Variants in DPYSL5 observed in about 807,000 individuals in gnomAD.
The protein encoded by DPYSL5 is dihydropyrimidinase like 5, also known as dihydropyrimidinase-related protein 5.
In DPYSL5, 9 loss-of-function variants were observed where a neutral mutation model predicts 58.4. The observed-to-expected ratio is 0.15, with a 90% CI of 0.09 to 0.27. The LOEUF is 0.27. Among genes scored for constraint, DPYSL5 ranks in the 10% least tolerant of loss-of-function variants. The pLI is 1.00. For synonymous variants in DPYSL5, 293 were observed against 301.9 expected, an observed-to-expected ratio of 0.97 and a Z score of 0.31; for missense variants, 499 against 770.6, an observed-to-expected ratio of 0.65 and a Z score of 4.17.
In DPYSL5 at chr2:26,898,381, C is replaced by G; in HGVS notation, c.-4-115C>G. ...TCCCGCTGGCTGTAGGGGAAAGTTC[C>G]TCCTCTTCTCTGCTCACTTACCCTG... is the stretch of plus-strand genomic sequence containing the variant. On this transcript the variant is annotated intron_variant, in intron 1 of 12. Coordinates refer to ENST00000288699, the MANE Select transcript of DPYSL5 (RefSeq NM_020134.4). The surrounding 1 kb of genome is among the most constrained non-coding windows in gnomAD (Gnocchi z 6.1). The G allele has an allele frequency of 6.9e-7, 1 of 1,441,218 alleles. No homozygotes were observed. The highest frequency in any genetic ancestry group is 2.0e-4 in the Middle Eastern group (1 of 4,902). 89.3% of individuals were successfully genotyped at this position (1,441,218 alleles called of 1,614,324 possible). A position where few individuals can be genotyped will look rare whatever the true frequency, so the allele number is the denominator to read the frequency against.
At chr2:26,867,902 T>C (rs1334800392) in intron 1 of DPYSL5, among the ~76,000 whole-genome samples, 1 of 152,122 alleles carries the variant, frequency 6.6e-6, no homozygotes, top group Non-Finnish European at 1.5e-5. Context: ...TAATAGAGCC[T>C]TTTCAGACTT....
At chr2:26,857,399 G>A (rs1665905043) in intron 1 of DPYSL5, among the ~76,000 whole-genome samples, 1 of 152,152 alleles carries the variant, frequency 6.6e-6, no homozygotes, top group South Asian at 2.1e-4. Context: ...ACTTAGCTGG[G>A]CGTGGTGGTG....
intron 2 of DPYSL5, among the ~76,000 whole-genome samples, chr2:26,902,877 C>T (rs769260316): frequency 1.3e-5 from 2 of 152,112 alleles, no homozygotes; most frequent in Admixed American, 6.5e-5. Flanking sequence ...ACACTCCCAG[C>T]AGTGCCATGA....
chr2:26,885,600 A>G (rs552457656), intron 1 of DPYSL5, among the ~76,000 whole-genome samples: 2 of 152,162 alleles, frequency 1.3e-5, no homozygotes, highest in African/African-American at 2.4e-5. Flanking sequence ...TCACTAGCCA[A>G]TTTGGTATGG....
intron 1 of DPYSL5, among the ~76,000 whole-genome samples, chr2:26,897,728 A>G (rs750261820): frequency 6.6e-6 from 1 of 152,176 alleles, no homozygotes; most frequent in Admixed American, 6.5e-5. Flanking sequence ...GGTCAGTATT[A>G]ATTCTTCTTT....
intron 1 of DPYSL5, among the ~76,000 whole-genome samples, chr2:26,861,687 A>G (rs1666021061): frequency 6.6e-6 from 1 of 152,062 alleles, no homozygotes; most frequent in Non-Finnish European, 1.5e-5. Flanking sequence ...TTGTGTTTCA[A>G]TTACTTGTGG....
rs971821787 is a variant in DPYSL5, at chr2:26,924,369, TAAAAC to T, written c.262-510_262-506del. 2.6e-5 allele frequency among the ~76,000 whole-genome samples: 4 copies of T among 152,184 alleles called. No individual in the cohort carries two copies. Among genetic ancestry groups the T allele is most frequent in the African/African-American group, 4.8e-5 (2 of 41,446 alleles). Reference sequence around the variant, plus strand: ...AATTGCTTCATGAAATTTGAGAGCATAAAACAAAACAATATATCCAAATTAACATT... The same window carrying T: ...AATTGCTTCATGAAATTTGAGAGCATAAAACAATATATCCAAATTAACATT... On this transcript the variant is annotated intron_variant, in intron 2 of 12. Transcript: ENST00000288699. This position sits in a 1 kb window ranked among gnomAD's most constrained non-coding sequence, Gnocchi z 4.7.
intron 1 of DPYSL5, among the ~76,000 whole-genome samples, chr2:26,859,730 A>T (rs1185004064): frequency 1.3e-5 from 2 of 152,164 alleles, no homozygotes; most frequent in Non-Finnish European, 2.9e-5. Flanking sequence ...TTGCAGAGAG[A>T]TGATTCGGTT....
intron 1 of DPYSL5, among the ~76,000 whole-genome samples, chr2:26,854,130 G>C (rs1397841613): frequency 6.6e-6 from 1 of 151,934 alleles, no homozygotes; most frequent in Non-Finnish European, 1.5e-5. Context: ...ATCTTTTATT[G>C]GATAATGGTA....
At chr2:26,881,631 C>T (rs992263611) in intron 1 of DPYSL5, among the ~76,000 whole-genome samples, 7 of 152,162 alleles carry the variant, frequency 4.6e-5, no homozygotes, top group Admixed American at 1.3e-4. Flanking sequence ...TGGGCAGAAG[C>T]ATTATTGGCT....
intron 1 of DPYSL5, among the ~76,000 whole-genome samples, chr2:26,876,229 G>A (rs1663405449): frequency 6.6e-6 from 1 of 152,188 alleles, no homozygotes. Context: ...GCCTTGTCCA[G>A]GGCCCTGGTG....
chr2:26,928,713 A>ACACACACACACACACACACACACC (rs1257770511), intron 5 of DPYSL5, among the ~76,000 whole-genome samples: 1 of 85,392 alleles, frequency 1.2e-5, no homozygotes, highest in Non-Finnish European at 2.6e-5. Context: ...ATACACACAC[A>ACACACACACACACACACACACACC]CACATACATA....
chr2:26,878,461 T>C (rs780487271), intron 1 of DPYSL5, among the ~76,000 whole-genome samples: 4 of 152,318 alleles, frequency 2.6e-5, no homozygotes, highest in Admixed American at 6.5e-5. Context: ...TAATTTGTGG[T>C]ATCTTTTGCT....
At chr2:26,896,460 A>G (rs1394736185) in intron 1 of DPYSL5, among the ~76,000 whole-genome samples, 1 of 152,224 alleles carries the variant, frequency 6.6e-6, no homozygotes, top group African/African-American at 2.4e-5. Context: ...AGGATTCTGT[A>G]TACTGTTTTC....
intron 2 of DPYSL5, among the ~76,000 whole-genome samples, chr2:26,901,066 G>A (rs966988083): frequency 1.3e-5 from 2 of 152,008 alleles, no homozygotes; most frequent in African/African-American, 2.4e-5. Flanking sequence ...TCTCATCCAC[G>A]CAAGCAGCTG....
chr2:26,861,359 C>A (rs1321470959), intron 1 of DPYSL5, among the ~76,000 whole-genome samples: 2 of 152,194 alleles, frequency 1.3e-5, no homozygotes, highest in Admixed American at 6.5e-5. Context: ...GCATTGTGAA[C>A]CTTCCCACAG....
intron 3 of DPYSL5, among the ~76,000 whole-genome samples, chr2:26,926,743 A>G (rs114865621): frequency 4.6e-5 from 7 of 152,210 alleles, no homozygotes; most frequent in Non-Finnish European, 1.0e-4. Context: ...TTTTCCTGTT[A>G]TCAGGCCAAT....
intron 8 of DPYSL5, chr2:26,939,088 C>G (rs1209146182): frequency 6.6e-6 from 1 of 152,158 alleles, no homozygotes; most frequent in South Asian, 2.1e-4. Context: ...CCAGGAGCCC[C>G]TCGAGGGCCT....
Position 26,927,173 on chromosome 2 carries a change from C to A in DPYSL5, c.421-80C>A. 1 of 1,442,240 alleles carries A rather than the reference C, an allele frequency of 6.9e-7. No individual in the cohort carries two copies. Among genetic ancestry groups the A allele is most frequent in the Non-Finnish European group, 9.4e-7 (1 of 1,064,214 alleles). The allele number at this position is 1,442,240 out of a possible 1,614,324, so 89.3% of individuals were successfully genotyped here. ...GAGCTGGGGCAGGCCCCACATCTCC[C>A]CCATGCTGGGCCGGTGCCTGCCAGT... On this transcript the variant is annotated intron_variant, in intron 3 of 12. Transcript: ENST00000288699. The surrounding 1 kb of genome is among the most constrained non-coding windows in gnomAD (Gnocchi z 4.3).
Sources: gnomAD v4.1 joint callset for allele counts (sites outside exome capture counted in the v4.1 genomes callset) on GRCh38, gnomAD v4.1.1 for gene constraint, Gnocchi (gnomAD v3.1) non-coding constraint, MANE v1.5 for transcripts, NCBI Gene and HGNC (gene_info 2026-07-23, HGNC 2026-07-21) for gene names.